PRKAR2B: variants seen among roughly 807,000 people sequenced by gnomAD.
PRKAR2B encodes the protein protein kinase cAMP-dependent type II regulatory subunit beta, also known as cAMP-dependent protein kinase type II-beta regulatory subunit.
Under a neutral mutation model 49.9 loss-of-function variants are expected in PRKAR2B, and 14 were observed. The ratio of observed to expected loss-of-function variants is 0.28; its 90% CI spans 0.19 to 0.44. The LOEUF (loss-of-function observed/expected upper bound fraction) is 0.44. Among genes scored for constraint, PRKAR2B ranks in the 20% least tolerant of loss-of-function variants. PRKAR2B has a pLI of 1.00. For synonymous variants in PRKAR2B, 196 were observed against 197.7 expected (o/e 0.99, Z 0.07); for missense variants, 393 against 537.9 (o/e 0.73, Z 2.67).
intron 2 of PRKAR2B, among the ~76,000 whole-genome samples, chr7:107,101,699 C>A (rs1000967418): frequency 6.6e-6 from 1 of 152,106 alleles, no homozygotes; most frequent in Non-Finnish European, 1.5e-5. Context: ...ATCAAGTTAG[C>A]CTCTTCCTGC....
chr7:107,155,381 C>A (rs1408041248), intron 8 of PRKAR2B, among the ~76,000 whole-genome samples: 1 of 152,056 alleles, frequency 6.6e-6, no homozygotes, highest in Non-Finnish European at 1.5e-5. Flanking sequence ...TGGTGAAACC[C>A]CATCTCTAAT....
At chr7:107,058,528 A>G (rs751417919) in intron 1 of PRKAR2B, among the ~76,000 whole-genome samples, 2 of 152,214 alleles carry the variant, frequency 1.3e-5, no homozygotes, top group African/African-American at 2.4e-5. Flanking sequence ...AATAAAGACA[A>G]TCTTTTGAGA....
chr7:107,118,857 A>G (rs1008642905), intron 2 of PRKAR2B, among the ~76,000 whole-genome samples: 5 of 152,194 alleles, frequency 3.3e-5, no homozygotes, highest in African/African-American at 1.2e-4. Flanking sequence ...ACAGAACTGC[A>G]AATACTTTAT....
chr7:107,156,921 T>TAAC, intron 8 of PRKAR2B, 63 bp from the exon 9 acceptor site: 1 of 1,399,110 alleles, frequency 7.1e-7, no homozygotes, highest in South Asian at 1.2e-5. Context: ...ATATGAAAGG[T>TAAC]AACAAGATTG....
chr7:107,144,183 T>G (rs1795844569), intron 5 of PRKAR2B, among the ~76,000 whole-genome samples: 1 of 151,786 alleles, frequency 6.6e-6, no homozygotes, highest in South Asian at 2.1e-4. Flanking sequence ...CCTCCTGGGT[T>G]CAGGTGATTC....
intron 2 of PRKAR2B, among the ~76,000 whole-genome samples, chr7:107,085,052 T>C (rs535417824): frequency 9.8e-5 from 15 of 152,328 alleles, no homozygotes; most frequent in Non-Finnish European, 1.9e-4. Context: ...TTAAATATCA[T>C]ATTCCTTTGT....
intron 1 of PRKAR2B, among the ~76,000 whole-genome samples, chr7:107,051,404 A>G (rs1438117758): frequency 1.3e-5 from 2 of 152,326 alleles, no homozygotes; most frequent in East Asian, 1.9e-4. Context: ...TCTGAATTGA[A>G]TGAATTGTTA....
At chr7:107,074,730 G>A (rs941799614) in intron 2 of PRKAR2B, among the ~76,000 whole-genome samples, 3 of 152,090 alleles carry the variant, frequency 2.0e-5, no homozygotes, top group Non-Finnish European at 4.4e-5. Context: ...CCTGGGAGAC[G>A]GAGGTTGCAG....
At position 107,145,262 on chromosome 7, in the gene PRKAR2B, CAA is replaced by C. The variant is rs1441035502; in HGVS notation, c.588-1045_588-1044del. Among the ~76,000 whole-genome samples, 6 of 152,226 alleles carry C rather than the reference CAA, an allele frequency of 3.9e-5. No homozygotes were observed. In the East Asian group the frequency reaches 5.8e-4, roughly 15 times the overall value. ...CAGCCATAGATAACACATAAACAAA[CAA>C]GAGTGTTTATATTGCAGTGAAACTT... On this transcript the variant is annotated intron_variant, in intron 5 of 10. Transcript: ENST00000265717.
At chr7:107,098,020 G>A (rs944157138) in intron 2 of PRKAR2B, among the ~76,000 whole-genome samples, 1 of 152,090 alleles carries the variant, frequency 6.6e-6, no homozygotes, top group African/African-American at 2.4e-5. Flanking sequence ...GTATCTTTGT[G>A]GCATTCTCTG....
chr7:107,078,853 G>A (rs761017818), intron 2 of PRKAR2B, among the ~76,000 whole-genome samples: 16 of 152,180 alleles, frequency 1.1e-4, no homozygotes, highest in Admixed American at 2.6e-4. Context: ...GCCCCCCAGG[G>A]AAAGGAGAAA....
chr7:107,059,053 C>G (rs567486413), intron 1 of PRKAR2B, among the ~76,000 whole-genome samples: 1 of 152,164 alleles, frequency 6.6e-6, no homozygotes, highest in East Asian at 1.9e-4. Flanking sequence ...TGGGGGAGAC[C>G]AAGACGGGCA....
Position 107,140,903 on chromosome 7 carries a change from G to A in PRKAR2B, c.537G>A (p.Glu179=), listed in dbSNP as rs749606142. The A allele has an allele frequency of 1.7e-5, 28 of 1,613,064 alleles. No individual in the cohort carries two copies. Among genetic ancestry groups the A allele is most frequent in the Non-Finnish European group, 2.2e-5 (26 of 1,179,492 alleles). The change falls in exon 5 of 11, where the codon GAG becomes GAA. Residue 179 remains glutamate (E), a synonymous_variant. Coordinates refer to ENST00000265717, the MANE Select transcript of PRKAR2B (RefSeq NM_002736.3). The part of the protein sequence containing the change: ...AMFEKLVKDG[E]HVIDQGDDGD... ...TTGAAAAATTGGTCAAAGATGGGGA[G>A]CATGTAATTGATCAAGGTGACGATG...
At chr7:107,112,638 C>T (rs867223604) in intron 2 of PRKAR2B, among the ~76,000 whole-genome samples, 3 of 151,468 alleles carry the variant, frequency 2.0e-5, no homozygotes, top group African/African-American at 4.9e-5. Context: ...GAAAATAACG[C>T]GTGAAAAAAA....
chr7:107,066,301 G>GGGGGGTGT lies in PRKAR2B; in HGVS notation c.308-3979_308-3978insGGGGTGTG, dbSNP rs147673007. ...AGTCTCTAGTTTTCTCTCTATGTGG[G>GGGGGGTGT]GTGTGTGTGTGTGTGTGTGTGTGTG... On this transcript the variant is annotated intron_variant, in intron 1 of 10. Transcript: ENST00000265717. Among the ~76,000 whole-genome samples, 234 of 145,606 alleles carry GGGGGGTGT rather than the reference G, an allele frequency of 1.6e-3. 2 individuals carry two copies. The highest frequency in any genetic ancestry group is 5.7e-3 in the African/African-American group (220 of 38,636).
In PRKAR2B at chr7:107,121,986, A is replaced by T. The variant is rs777219859; in HGVS notation, c.378A>T (p.Glu126Asp). 1.3e-5 allele frequency: 21 copies of T among 1,597,714 alleles called. No individual in the cohort carries two copies. The East Asian group carries it at 2.9e-4, about 22-fold the overall frequency. Reference protein sequence around the residue: ...CAEAYNPDEEEDDAESRIIHP... With the variant: ...CAEAYNPDEEDDDAESRIIHP... ...AAGCTTATAATCCTGATGAAGAAGA[A>T]GATGATGCAGAGTCCAGGGTATGTA... The change falls in exon 3 of 11, where the codon GAA becomes GAT. Residue 126 changes from glutamate to aspartate, a missense_variant. Coordinates refer to ENST00000265717, the MANE Select transcript of PRKAR2B (RefSeq NM_002736.3).
chr7:107,130,971 A>T (rs937840505), intron 4 of PRKAR2B, among the ~76,000 whole-genome samples: 1 of 152,136 alleles, frequency 6.6e-6, no homozygotes, highest in Non-Finnish European at 1.5e-5. Flanking sequence ...TCATCAGGGG[A>T]TCTTGTTAAA....
intron 7 of PRKAR2B, among the ~76,000 whole-genome samples, chr7:107,152,549 A>G (rs1038637317): frequency 6.6e-6 from 1 of 152,202 alleles, no homozygotes; most frequent in South Asian, 2.1e-4. Flanking sequence ...TTCATTTTCC[A>G]TACTTCATCA....
intron 2 of PRKAR2B, among the ~76,000 whole-genome samples, chr7:107,072,615 C>G (rs1167091608): frequency 6.6e-6 from 1 of 152,060 alleles, no homozygotes; most frequent in African/African-American, 2.4e-5. Flanking sequence ...AATATAGAAA[C>G]AGTCTTAAGA....
Sources: gnomAD v4.1 joint callset for allele counts (sites outside exome capture counted in the v4.1 genomes callset) on GRCh38, gnomAD v4.1.1 for gene constraint, MANE v1.5 for transcripts, NCBI Gene and HGNC (gene_info 2026-07-23, HGNC 2026-07-21) for gene names.